Variants in PLXDC2 observed in about 807,000 individuals in gnomAD.
The protein encoded by PLXDC2 is plexin domain containing 2.
In PLXDC2, 40 loss-of-function variants were observed where a neutral mutation model predicts 68.9. The ratio of observed to expected loss-of-function variants is 0.58; its 90% CI spans 0.45 to 0.76. The LOEUF is 0.76. PLXDC2 is among the 30% of genes least tolerant of loss of function. The pLI is 0.00. For missense variants in PLXDC2, 644 were observed against 661.9 expected, an observed-to-expected ratio of 0.97 and a Z score of 0.30; for synonymous variants, 243 against 234.2, an observed-to-expected ratio of 1.04 and a Z score of -0.34.
chr10:20,038,950 C>A (rs1356600835), intron 2 of PLXDC2, among the ~76,000 whole-genome samples: 2 of 152,058 alleles, frequency 1.3e-5, no homozygotes, highest in Non-Finnish European at 2.9e-5. Context: ...AGTCCAAGAC[C>A]CCTACCTTTT....
intron 2 of PLXDC2, among the ~76,000 whole-genome samples, chr10:20,010,401 A>G (rs1835092273): frequency 6.6e-6 from 1 of 152,240 alleles, no homozygotes; most frequent in African/African-American, 2.4e-5. Context: ...ATCAGACAGA[A>G]GTGATATCTG....
chr10:20,011,215 A>G, intron 2 of PLXDC2, among the ~76,000 whole-genome samples: 1 of 152,138 alleles, frequency 6.6e-6, no homozygotes, highest in East Asian at 1.9e-4. Context: ...GCCATTGAGT[A>G]TGGGCTGGAA....
intron 1 of PLXDC2, among the ~76,000 whole-genome samples, chr10:19,835,418 G>A (rs1445820044): frequency 2.6e-5 from 4 of 152,272 alleles, no homozygotes; most frequent in South Asian, 4.1e-4. Context: ...TGTTTTCCAG[G>A]TGCTTTAGGG....
Position 20,163,477 on chromosome 10 carries a change from G to GT in PLXDC2, c.784-989dup, listed in dbSNP as rs1834333802. 5.3e-5 allele frequency among the ~76,000 whole-genome samples: 8 copies of GT among 151,564 alleles called. No homozygotes were observed. The South Asian group carries it at 1.7e-3, about 32-fold the overall frequency. On this transcript the variant is annotated intron_variant, in intron 6 of 13. Coordinates refer to ENST00000377252, the MANE Select transcript of PLXDC2 (RefSeq NM_032812.9). ...TCTCCAACTTATTCCCCTTCTTATT[G>GT]TTATGCTGTTTATTATGGCTTACAC...
At chr10:19,882,472 A>G (rs1437875136) in intron 1 of PLXDC2, among the ~76,000 whole-genome samples, 2 of 152,202 alleles carry the variant, frequency 1.3e-5, no homozygotes, top group Non-Finnish European at 2.9e-5. Context: ...GAAGTTTGAA[A>G]AAAATCGGGC....
At chr10:20,086,528 G>T (rs1157261750) in intron 4 of PLXDC2, among the ~76,000 whole-genome samples, 1 of 151,798 alleles carries the variant, frequency 6.6e-6, no homozygotes, top group African/African-American at 2.4e-5. Context: ...AGGGCATTTT[G>T]CATGTTCTTT....
chr10:19,819,885 C>G (rs1836431019), intron 1 of PLXDC2, among the ~76,000 whole-genome samples: 1 of 152,068 alleles, frequency 6.6e-6, no homozygotes, highest in African/African-American at 2.4e-5. Context: ...AAACCTAGAG[C>G]ACAGTGATAT....
chr10:20,193,679 C>G (rs1186962060), intron 9 of PLXDC2, among the ~76,000 whole-genome samples: 1 of 151,952 alleles, frequency 6.6e-6, no homozygotes, highest in Non-Finnish European at 1.5e-5. Flanking sequence ...TCAGGAAAAG[C>G]AAATTTTAAG....
intron 3 of PLXDC2, among the ~76,000 whole-genome samples, chr10:20,053,657 T>C (rs1222819344): frequency 6.6e-6 from 1 of 152,160 alleles, no homozygotes; most frequent in African/African-American, 2.4e-5. Flanking sequence ...CTGCCAGACA[T>C]ATTAGAATTA....
At chr10:20,094,161 A>C (rs891115014) in intron 4 of PLXDC2, among the ~76,000 whole-genome samples, 1 of 152,242 alleles carries the variant, frequency 6.6e-6, no homozygotes, top group African/African-American at 2.4e-5. Flanking sequence ...TAAAGCCTTC[A>C]TCTGTAGATG....
At chr10:19,866,312 T>C (rs2131339012) in intron 1 of PLXDC2, among the ~76,000 whole-genome samples, 1 of 152,312 alleles carries the variant, frequency 6.6e-6, no homozygotes, top group Admixed American at 6.5e-5. Flanking sequence ...AGAATTTGTT[T>C]CCTTCCCTTT....
chr10:19,908,988 C>G (rs1052769961), intron 1 of PLXDC2, among the ~76,000 whole-genome samples: 1 of 152,220 alleles, frequency 6.6e-6, no homozygotes, highest in South Asian at 2.1e-4. Flanking sequence ...AATAAAGTTC[C>G]GTCCAAGGAA....
chr10:19,994,526 T>C (rs1203253487), intron 1 of PLXDC2, among the ~76,000 whole-genome samples: 1 of 151,418 alleles, frequency 6.6e-6, no homozygotes, highest in Non-Finnish European at 1.5e-5. Flanking sequence ...ATTTTGCAGT[T>C]ATAGTAGAGA....
chr10:19,857,728 G>A (rs1351125771), intron 1 of PLXDC2, among the ~76,000 whole-genome samples: 5 of 152,146 alleles, frequency 3.3e-5, no homozygotes, highest in African/African-American at 9.7e-5. Flanking sequence ...ATATATGCCT[G>A]TTCTCCATTC....
At chr10:20,048,340 T>C (rs1835834076) in intron 3 of PLXDC2, among the ~76,000 whole-genome samples, 1 of 152,074 alleles carries the variant, frequency 6.6e-6, no homozygotes, top group Non-Finnish European at 1.5e-5. Flanking sequence ...GCAAATGAAG[T>C]AGCTGCCTTT....
intron 12 of PLXDC2, among the ~76,000 whole-genome samples, chr10:20,227,280 T>C (rs2131874118): frequency 6.6e-6 from 1 of 152,210 alleles, no homozygotes; most frequent in Non-Finnish European, 1.5e-5. Flanking sequence ...TAAATTGATA[T>C]TTACGTATAG....
intron 4 of PLXDC2, among the ~76,000 whole-genome samples, chr10:20,124,022 GAGA>G (rs1176987393): frequency 6.6e-6 from 1 of 151,510 alleles, no homozygotes; most frequent in African/African-American, 2.4e-5. Context: ...CAGAAAGGCA[GAGA>G]AGGTGTAGAG....
rs780470176 is a variant in PLXDC2, at chr10:20,046,955, A to C, written c.411A>C (p.Gln137His). ...GGGATTTATGGGTGAACATAGACCA[A>C]ATGGAAAAAGATAAAGTGAAGATTC... ...ASRDLWVNID[Q>H]MEKDKVKIHG... The change falls in exon 3 of 14, where the codon CAA becomes CAC. Residue 137 changes from glutamine (Q) to histidine (H), a missense_variant. By Grantham distance (24) the Gln-to-His change is conservative. Transcript: ENST00000377252. 4 of 1,612,714 alleles carry C rather than the reference A, an allele frequency of 2.5e-6. No homozygotes were observed. The highest frequency in any genetic ancestry group is 4.5e-5 in the East Asian group (2 of 44,798).
intron 1 of PLXDC2, among the ~76,000 whole-genome samples, chr10:19,825,466 A>G (rs1327812362): frequency 6.6e-6 from 1 of 152,130 alleles, no homozygotes; most frequent in Non-Finnish European, 1.5e-5. Context: ...ACTCTGGTTC[A>G]TTTTGCTTAG....
Sources: gnomAD v4.1 joint callset for allele counts (sites outside exome capture counted in the v4.1 genomes callset) on GRCh38, gnomAD v4.1.1 for gene constraint, MANE v1.5 for transcripts, NCBI Gene and HGNC (gene_info 2026-07-23, HGNC 2026-07-21) for gene names.